Variants in RAB15 observed in about 807,000 individuals in gnomAD.
The protein encoded by RAB15 is ras-related protein Rab-15.
In RAB15, 13 loss-of-function variants were observed where a neutral mutation model predicts 31.8. The ratio of observed to expected loss-of-function variants is 0.41; its 90% CI spans 0.27 to 0.65. RAB15 has a LOEUF of 0.65. Ranked by LOEUF, RAB15 falls within the 30% of genes least tolerant of loss-of-function variation. The pLI is 0.32. For missense variants in RAB15, 220 were observed against 277.3 expected (o/e 0.79, Z 1.47); for synonymous variants, 100 against 105.6 (o/e 0.95, Z 0.33).
chr14:64,966,472 G>A (rs1158443521), intron 1 of RAB15, among the ~76,000 whole-genome samples: 1 of 151,440 alleles, frequency 6.6e-6, no homozygotes, highest in African/African-American at 2.4e-5. Flanking sequence ...GCAGTGAGCC[G>A]AGATTGTGCC....
rs373263799 is a variant in RAB15, at chr14:64,968,449, A to G, written c.124+3504T>C. Among the ~76,000 whole-genome samples, 1 of 152,134 alleles carries G rather than the reference A, an allele frequency of 6.6e-6. No individual in the cohort carries two copies. The highest frequency in any genetic ancestry group is 1.5e-5 in the Non-Finnish European group (1 of 68,014). The stretch of plus-strand genomic sequence containing the variant: ...GGAGTCGTGGGAATAGCACTCACCC[A>G]TCCCATCCATCGCCATTCTCCGGCT... On this transcript the variant is annotated intron_variant, in intron 1 of 6. Coordinates refer to ENST00000533601, the MANE Select transcript of RAB15 (RefSeq NM_001308154.2). The surrounding 1 kb of genome is among the most constrained non-coding windows in gnomAD (Gnocchi z 4.9).
rs774743235 is a variant in RAB15 at position 64,948,399 on chromosome 14, G to A, written c.594C>T (p.Gly198=). Residue 198 remains glycine, a synonymous_variant, in exon 7 of 7, where the codon GGC becomes GGT. Coordinates refer to ENST00000533601, the MANE Select transcript of RAB15 (RefSeq NM_001308154.2). The surrounding 1 kb of genome is among the most constrained non-coding windows in gnomAD (Gnocchi z 7.0). ...LALAELEEEE[G]KPEGPANSSK... Reference sequence around the variant, plus strand: ...AAGAGTTCGCTGGGCCCTCGGGTTTGCCCTCCTCCTCCTCCAGCTCTGCCA... The same window carrying A: ...AAGAGTTCGCTGGGCCCTCGGGTTTACCCTCCTCCTCCTCCAGCTCTGCCA... 1.3e-5 allele frequency: 21 copies of A among 1,611,554 alleles called. No individual in the cohort carries two copies. The highest frequency in any genetic ancestry group is 1.8e-5 in the Non-Finnish European group (21 of 1,179,258).
Position 64,953,347 on chromosome 14 carries a change from AG to A in RAB15, c.125-777del, listed in dbSNP as rs1290753898. On this transcript the variant is annotated intron_variant, in intron 1 of 6. Coordinates refer to ENST00000533601, the MANE Select transcript of RAB15 (RefSeq NM_001308154.2). This position sits in a 1 kb window ranked among gnomAD's most constrained non-coding sequence, Gnocchi z 4.6. ...TTACCAGTATCTCAGAGGGTTGCTG[AG>A]GAGGCCGGATGAGATACAGCACCTG... is the stretch of plus-strand genomic sequence containing the variant. Among the ~76,000 whole-genome samples the A allele has an allele frequency of 6.6e-6, 1 of 152,210 alleles. No individual in the cohort carries two copies. The highest frequency in any genetic ancestry group is 1.5e-5 in the Non-Finnish European group (1 of 68,042).
chr14:64,961,355 G>A (rs1460800789), intron 1 of RAB15, among the ~76,000 whole-genome samples: 1 of 152,284 alleles, frequency 6.6e-6, no homozygotes, highest in East Asian at 1.9e-4. Context: ...AGGGATCCCG[G>A]GAGCTGATAT....
chr14:64,964,398 T>C (rs1192055882), intron 1 of RAB15, among the ~76,000 whole-genome samples: 1 of 148,010 alleles, frequency 6.8e-6, no homozygotes, highest in Non-Finnish European at 1.5e-5. Context: ...GGTGCGTGCC[T>C]GTAGTCCCAG....
chr14:64,948,571 C>G lies in RAB15; in HGVS notation c.481-59G>C, dbSNP rs1234825555. 5 of 1,603,048 alleles carry G rather than the reference C, an allele frequency of 3.1e-6. No homozygotes were observed. Among genetic ancestry groups the G allele is most frequent in the Non-Finnish European group, 3.4e-6 (4 of 1,173,592 alleles). On this transcript the variant is annotated intron_variant, in intron 6 of 6. Transcript: ENST00000533601. This position sits in a 1 kb window ranked among gnomAD's most constrained non-coding sequence, Gnocchi z 7.0. ...CTCCTCCTCTCCCCTGGCAACCCTG[C>G]AGCGGCCTGAGGGATAAGGTCCATC...
In RAB15 at chr14:64,952,502, C is replaced by G; in HGVS notation, c.185+9G>C. 1 of 1,608,856 alleles carries G rather than the reference C, an allele frequency of 6.2e-7. No homozygotes were observed. The highest frequency in any genetic ancestry group is 8.5e-7 in the Non-Finnish European group (1 of 1,175,674). ...TCCTACATCTGCCTCCTCCTCCTCC[C>G]CAGCTCACCAGATCTGTATCCGCAC... On this transcript the variant is annotated intron_variant, in intron 2 of 6. Coordinates refer to ENST00000533601, the MANE Select transcript of RAB15 (RefSeq NM_001308154.2). The surrounding 1 kb of genome is among the most constrained non-coding windows in gnomAD (Gnocchi z 4.2).
chr14:64,954,172 G>A lies in RAB15; in HGVS notation c.125-1601C>T, dbSNP rs2139975673. The A allele has an allele frequency of 1.0e-6, 1 of 985,418 alleles. No homozygotes were observed. The highest frequency in any genetic ancestry group is 1.1e-4 in the East Asian group (1 of 8,806). 61.0% of individuals were successfully genotyped at this position (985,418 alleles called of 1,614,324 possible). A position where few individuals can be genotyped will look rare whatever the true frequency, so the allele number is the denominator to read the frequency against. On this transcript the variant is annotated intron_variant, in intron 1 of 6. Coordinates refer to ENST00000533601, the MANE Select transcript of RAB15 (RefSeq NM_001308154.2). This position sits in a 1 kb window ranked among gnomAD's most constrained non-coding sequence, Gnocchi z 4.3. ...CTGCCCAAGCTGATTCATATCCATT[G>A]AGCTGTACTTTTCCAAATGGGCAAT... is the stretch of plus-strand genomic sequence containing the variant.
Position 64,971,998 on chromosome 14 carries a change from G to C in RAB15, c.79C>G (p.Arg27Gly), listed in dbSNP as rs377176510. 1.4e-4 allele frequency: 227 copies of C among 1,606,236 alleles called. No homozygotes were observed. Among genetic ancestry groups the C allele is most frequent in the Middle Eastern group, 1.6e-4 (1 of 6,070 alleles). Residue 27 changes from arginine to glycine, a missense_variant, in exon 1 of 7, where the codon CGC becomes GGC. Arg to Gly is a moderately radical substitution (Grantham distance 125). Coordinates refer to ENST00000533601, the MANE Select transcript of RAB15 (RefSeq NM_001308154.2). The surrounding 1 kb of genome is among the most constrained non-coding windows in gnomAD (Gnocchi z 4.1). ...GAGTGGAACTCGTTGTCGGTGAAGC[G>C]GCACAGCAGGCAGGTCTTGCCCACC... ...SGVGKTCLLC[R>G]FTDNEFHSSH...
chr14:64,955,349 G>T lies in RAB15; in HGVS notation c.125-2778C>A, dbSNP rs1886489973. 6.6e-6 allele frequency among the ~76,000 whole-genome samples: 1 copy of T among 152,152 alleles called. No individual in the cohort carries two copies. ...TCCCACACAACCTGGGCCTTCAGCTGTGTCCACCTACCAGTCAAGCCCTGG... is the reference window on the plus strand; with the variant it reads ...TCCCACACAACCTGGGCCTTCAGCTTTGTCCACCTACCAGTCAAGCCCTGG... On this transcript the variant is annotated intron_variant, in intron 1 of 6. Transcript: ENST00000533601. This position sits in a 1 kb window ranked among gnomAD's most constrained non-coding sequence, Gnocchi z 4.4.
intron 1 of RAB15, among the ~76,000 whole-genome samples, chr14:64,957,137 G>C (rs1278760696): frequency 6.6e-6 from 1 of 150,632 alleles, no homozygotes; most frequent in Admixed American, 6.6e-5. Flanking sequence ...AGGTCTCCCT[G>C]TATTGCCTAG....
chr14:64,953,130 C>T lies in RAB15; in HGVS notation c.125-559G>A, dbSNP rs950404545. Among the ~76,000 whole-genome samples, 46 of 152,188 alleles carry T rather than the reference C, an allele frequency of 3.0e-4. No homozygotes were observed. The highest frequency in any genetic ancestry group is 1.0e-3 in the African/African-American group (43 of 41,438). On this transcript the variant is annotated intron_variant, in intron 1 of 6. Coordinates refer to ENST00000533601, the MANE Select transcript of RAB15 (RefSeq NM_001308154.2). The surrounding 1 kb of genome is among the most constrained non-coding windows in gnomAD (Gnocchi z 4.6). ...CCAAGGCTCACCAAAAAGAAGGCCT[C>T]ATGCGTCTTGGTTGCTGACTCACTC...
rs1887437046 is a variant in RAB15, at chr14:64,971,840, G to T, written c.124+113C>A. On this transcript the variant is annotated intron_variant, in intron 1 of 6. Coordinates refer to ENST00000533601, the MANE Select transcript of RAB15 (RefSeq NM_001308154.2). This position sits in a 1 kb window ranked among gnomAD's most constrained non-coding sequence, Gnocchi z 4.1. ...TTTATCCCGGACTCCGGCCTCCGGC[G>T]CCACCGCCTCCAGCCGGAGGGGCTG... 2.9e-6 allele frequency: 3 copies of T among 1,048,686 alleles called. No individual in the cohort carries two copies. Among genetic ancestry groups the T allele is most frequent in the Non-Finnish European group, 4.1e-6 (3 of 734,514 alleles). The allele number at this position is 1,048,686 out of a possible 1,614,324, so 65.0% of individuals were successfully genotyped here.
intron 1 of RAB15, among the ~76,000 whole-genome samples, chr14:64,964,742 A>AT (rs1456555920): frequency 6.6e-6 from 1 of 151,698 alleles, no homozygotes; most frequent in South Asian, 2.1e-4. Context: ...CACCCGGCTA[A>AT]TTTTTTGTAT....
In RAB15 at chr14:64,971,908, G is replaced by A. The variant is rs961767414; in HGVS notation, c.124+45C>T. ...GGGGACGGGGGCGGCGGGGAAAGGG[G>A]CCGCGGGCGGGGAGGGAGGGGCGCC... is the stretch of plus-strand genomic sequence containing the variant. On this transcript the variant is annotated intron_variant, in intron 1 of 6. Transcript: ENST00000533601. The surrounding 1 kb of genome is among the most constrained non-coding windows in gnomAD (Gnocchi z 4.1). The A allele has an allele frequency of 1.3e-6, 2 of 1,519,496 alleles. No individual in the cohort carries two copies. The highest frequency in any genetic ancestry group is 8.9e-7 in the Non-Finnish European group (1 of 1,127,450). The allele number at this position is 1,519,496 out of a possible 1,614,324, so 94.1% of individuals were successfully genotyped here.
chr14:64,960,050 C>G (rs1010313448), intron 1 of RAB15, among the ~76,000 whole-genome samples: 2 of 152,162 alleles, frequency 1.3e-5, no homozygotes, highest in African/African-American at 4.8e-5. Flanking sequence ...AGCCCTGGGC[C>G]CCATCCTCTT....
At chr14:64,960,236 C>T (rs763911813) in intron 1 of RAB15, among the ~76,000 whole-genome samples, 1 of 152,216 alleles carries the variant, frequency 6.6e-6, no homozygotes, top group Non-Finnish European at 1.5e-5. Flanking sequence ...ACACCCAGCA[C>T]TCACGTGACT....
Position 64,951,189 on chromosome 14 carries a change from G to A in RAB15, c.247-38C>T, listed in dbSNP as rs531258999. 4.5e-6 allele frequency: 7 copies of A among 1,539,378 alleles called. No individual in the cohort carries two copies. The South Asian group carries it at 6.7e-5, about 15-fold the overall frequency. On this transcript the variant is annotated intron_variant, in intron 3 of 6. Coordinates refer to ENST00000533601, the MANE Select transcript of RAB15 (RefSeq NM_001308154.2). The surrounding 1 kb of genome is among the most constrained non-coding windows in gnomAD (Gnocchi z 7.2). ...GAAATAGAGAGATGTGATATGCACAGAGAGAGTGCAGTCATGGGGCCAGAA... is the reference window on the plus strand; with the variant it reads ...GAAATAGAGAGATGTGATATGCACAAAGAGAGTGCAGTCATGGGGCCAGAA...
chr14:64,948,085 G>A lies in RAB15; in HGVS notation c.*269C>T. On this transcript the variant is annotated 3_prime_UTR_variant, in exon 7 of 7. Transcript: ENST00000533601. This position sits in a 1 kb window ranked among gnomAD's most constrained non-coding sequence, Gnocchi z 7.0. ...GGTGGGTGCGGGATGGTGAGACAGT[G>A]CTTGCGGCACATCGTGGGGGTCGTA... The A allele has an allele frequency of 2.5e-6, 1 of 407,544 alleles. No individual in the cohort carries two copies. Among genetic ancestry groups the A allele is most frequent in the East Asian group, 3.9e-5 (1 of 25,758 alleles). 25.2% of individuals were successfully genotyped at this position (407,544 alleles called of 1,614,324 possible).
Sources: gnomAD v4.1 joint callset for allele counts (sites outside exome capture counted in the v4.1 genomes callset) on GRCh38, gnomAD v4.1.1 for gene constraint, Gnocchi (gnomAD v3.1) non-coding constraint, MANE v1.5 for transcripts, NCBI Gene and HGNC (gene_info 2026-07-23, HGNC 2026-07-21) for gene names.